Variants in CNBD1 observed in about 807,000 individuals in gnomAD.
The protein encoded by CNBD1 is cyclic nucleotide-binding domain-containing protein 1.
A neutral mutation model predicts 54.4 loss-of-function variants in CNBD1; 71 were observed. The ratio of observed to expected loss-of-function variants is 1.30; its 90% CI spans 1.08 to 1.59. The LOEUF (loss-of-function observed/expected upper bound fraction) is 1.59. Among genes scored for constraint, CNBD1 ranks in the 40% most tolerant of loss-of-function variants. The pLI, the probability that CNBD1 is intolerant of heterozygous loss-of-function variation, is 0.00. For synonymous variants in CNBD1, 182 were observed against 170.7 expected (o/e 1.07, Z -0.51); for missense variants, 659 against 518.0 (o/e 1.27, Z -2.64).
rs559743716 is a variant in CNBD1 at position 87,304,504 on chromosome 8, G to A, written c.1042+17833G>A. ...CCTGTTGTGGGGTGGGGTGAGGGGG[G>A]AGAGATAGCATTAGGAGATATACCT... On this transcript the variant is annotated intron_variant, in intron 8 of 10. Transcript: ENST00000518476. 5.7e-3 allele frequency among the ~76,000 whole-genome samples: 873 copies of A among 151,992 alleles called. 19 individuals carry two copies. Among genetic ancestry groups the A allele is most frequent in the African/African-American group, 0.02 (839 of 41,440 alleles).
intron 4 of CNBD1, among the ~76,000 whole-genome samples, chr8:87,114,023 G>C (rs905265724): frequency 6.6e-6 from 1 of 152,030 alleles, no homozygotes; most frequent in Non-Finnish European, 1.5e-5. Context: ...TCACATGTAA[G>C]AATAAAAGTA....
intron 8 of CNBD1, among the ~76,000 whole-genome samples, chr8:87,318,072 T>G (rs1809437242): frequency 6.6e-6 from 1 of 152,102 alleles, no homozygotes; most frequent in Non-Finnish European, 1.5e-5. Flanking sequence ...TTATATTATG[T>G]TTTTACTTAA....
At chr8:87,095,825 T>C (rs751961245) in intron 4 of CNBD1, among the ~76,000 whole-genome samples, 8 of 152,160 alleles carry the variant, frequency 5.3e-5, no homozygotes, top group Non-Finnish European at 7.3e-5. Flanking sequence ...ACCTGGCTAT[T>C]TTTTTGTATT....
intron 8 of CNBD1, among the ~76,000 whole-genome samples, chr8:87,299,235 G>A (rs1808939150): frequency 6.6e-6 from 1 of 152,006 alleles, no homozygotes; most frequent in African/African-American, 2.4e-5. Flanking sequence ...TTGCTTTTGA[G>A]AGTCTCAGGA....
intron 4 of CNBD1, among the ~76,000 whole-genome samples, chr8:87,097,146 C>T (rs1029351248): frequency 6.6e-6 from 1 of 152,108 alleles, no homozygotes; most frequent in African/African-American, 2.4e-5. Flanking sequence ...CTGAGCATTT[C>T]CTTGTGCAAT....
intron 4 of CNBD1, among the ~76,000 whole-genome samples, chr8:87,122,834 C>A (rs1476914724): frequency 6.6e-6 from 1 of 151,850 alleles, no homozygotes; most frequent in African/African-American, 2.4e-5. Flanking sequence ...CCATTTTGTA[C>A]TCTCAGCACC....
intron 4 of CNBD1, among the ~76,000 whole-genome samples, chr8:86,971,953 A>G (rs1243351657): frequency 1.3e-5 from 2 of 151,942 alleles, no homozygotes; most frequent in Non-Finnish European, 2.9e-5. Context: ...AATGCATTAA[A>G]TAGAACTTTT....
chr8:86,876,936 T>C (rs1308658515), intron 1 of CNBD1, among the ~76,000 whole-genome samples: 1 of 152,070 alleles, frequency 6.6e-6, no homozygotes, highest in African/African-American at 2.4e-5. Flanking sequence ...TGAATTTTGA[T>C]GGTATATAAT....
At chr8:87,263,286 C>G (rs1462995529) in intron 6 of CNBD1, among the ~76,000 whole-genome samples, 1 of 152,096 alleles carries the variant, frequency 6.6e-6, no homozygotes, top group Non-Finnish European at 1.5e-5. Flanking sequence ...TATAATAATA[C>G]TAGCAGTTGA....
rs367655455 is a variant in CNBD1, at chr8:87,305,426, C to CA, written c.1042+18761dup. ...AACAATTCTAAAATTGATGTGGAAC[C>CA]AAAAAAGTGCCCACATAGCCAAAGC... On this transcript the variant is annotated intron_variant, in intron 8 of 10. Coordinates refer to ENST00000518476, the MANE Select transcript of CNBD1 (RefSeq NM_173538.3). Among the ~76,000 whole-genome samples, 819 of 152,064 alleles carry CA rather than the reference C, an allele frequency of 5.4e-3. 6 individuals are homozygous for CA. The highest frequency in any genetic ancestry group is 0.019 in the African/African-American group (774 of 41,488).
At chr8:86,948,615 C>T (rs528009488) in intron 4 of CNBD1, among the ~76,000 whole-genome samples, 63 of 152,162 alleles carry the variant, frequency 4.1e-4, no homozygotes, top group African/African-American at 1.4e-3. Flanking sequence ...TTATTAAATT[C>T]TTTCTTACAG....
chr8:87,391,658 T>G (rs1811312766), intron 2 of CNBD1, among the ~76,000 whole-genome samples: 1 of 152,044 alleles, frequency 6.6e-6, no homozygotes, highest in African/African-American at 2.4e-5. Context: ...TGAAGTTGGA[T>G]CCACACTTTG....
chr8:86,955,338 G>A (rs900551719), intron 4 of CNBD1, among the ~76,000 whole-genome samples: 7 of 152,272 alleles, frequency 4.6e-5, no homozygotes, highest in African/African-American at 1.7e-4. Flanking sequence ...AATCCTTTGG[G>A]TATATACCCA....
chr8:87,391,097 G>A (rs112741991), intron 2 of CNBD1, among the ~76,000 whole-genome samples: 2,847 of 151,914 alleles, frequency 0.019, 95 homozygotes, highest in African/African-American at 0.062. Flanking sequence ...GTTGTGGGGT[G>A]GGGGAAGGGG....
At chr8:87,177,368 A>C (rs1238329891) in intron 4 of CNBD1, among the ~76,000 whole-genome samples, 1 of 152,224 alleles carries the variant, frequency 6.6e-6, no homozygotes, top group Admixed American at 6.5e-5. Flanking sequence ...GTTGAAAACT[A>C]ATTTATAAAA....
At chr8:87,040,519 G>A (rs545651616) in intron 4 of CNBD1, among the ~76,000 whole-genome samples, 3 of 150,934 alleles carry the variant, frequency 2.0e-5, no homozygotes, top group Non-Finnish European at 4.4e-5. Flanking sequence ...CGCCTTCCAG[G>A]TTAATGCCAT....
rs751871789 is a variant in CNBD1, at chr8:87,206,005, G to A, written c.444G>A (p.Arg148=). Residue 148 remains arginine, a synonymous_variant, in exon 5 of 11, where the codon AGG becomes AGA. Coordinates refer to ENST00000518476, the MANE Select transcript of CNBD1 (RefSeq NM_173538.3). ...LAILKKLPIH[R]TPYEHKTVWK... Reference sequence around the variant, plus strand: ...TTTTTTTTTTGAGGCCCATTCACAGGACGCCATATGAACACAAAACTGTGT... The same window carrying A: ...TTTTTTTTTTGAGGCCCATTCACAGAACGCCATATGAACACAAAACTGTGT... 3 of 1,530,790 alleles carry A rather than the reference G, an allele frequency of 2.0e-6. No homozygotes were observed. In the South Asian group the frequency reaches 3.8e-5, roughly 20 times the overall value. The allele number at this position is 1,530,790 out of a possible 1,614,324, so 94.8% of individuals were successfully genotyped here.
At position 87,357,643 on chromosome 8, in the gene CNBD1, A is replaced by T. The variant is rs1207639349; in HGVS notation, c.1303+3857A>T. On this transcript the variant is annotated intron_variant, in intron 10 of 10. Coordinates refer to ENST00000518476, the MANE Select transcript of CNBD1 (RefSeq NM_173538.3). ...AACTTGTTTTTGGTCTTACAGGCTCATAGGTGGAAAGAATGTGTCTTGAGT... is the reference window on the plus strand; with the variant it reads ...AACTTGTTTTTGGTCTTACAGGCTCTTAGGTGGAAAGAATGTGTCTTGAGT... 2.6e-5 allele frequency among the ~76,000 whole-genome samples: 4 copies of T among 152,184 alleles called. No homozygotes were observed. The South Asian group carries it at 6.2e-4, about 24-fold the overall frequency.
chr8:86,899,932 C>T (rs916063621), intron 2 of CNBD1, among the ~76,000 whole-genome samples: 5 of 152,118 alleles, frequency 3.3e-5, no homozygotes, highest in African/African-American at 7.2e-5. Flanking sequence ...CATGCTCCTT[C>T]GTATCAGTGA....
Sources: gnomAD v4.1 joint callset for allele counts (sites outside exome capture counted in the v4.1 genomes callset) on GRCh38, gnomAD v4.1.1 for gene constraint, MANE v1.5 for transcripts, NCBI Gene and HGNC (gene_info 2026-07-23, HGNC 2026-07-21) for gene names.